The following CRLF1 variants were observed in gnomAD, a reference collection of about 807,000 sequenced individuals.
CRLF1 encodes cytokine receptor-like factor 1.
CRLF1 carries 36 observed loss-of-function variants against 48.9 expected under a neutral mutation model. The observed-to-expected ratio is 0.74, with a 90% confidence interval of 0.56 to 0.97. The LOEUF is 0.97. Among genes scored for constraint, CRLF1 ranks in the 50% least tolerant of loss-of-function variants. The pLI is 0.00. For synonymous variants in CRLF1, 256 were observed against 253.4 expected, an observed-to-expected ratio of 1.01 and a Z score of -0.10; for missense variants, 534 against 575.1, an observed-to-expected ratio of 0.93 and a Z score of 0.73.
chr19:18,599,738 T>C lies in CRLF1; in HGVS notation c.224A>G (p.Tyr75Cys). Residue 75 changes from tyrosine to cysteine, a missense_variant, in exon 2 of 9, where the codon TAC becomes TGC. Physicochemically the swap from Tyr to Cys is radical, Grantham distance 194 (BLOSUM62 -2). Coordinates refer to ENST00000392386, the MANE Select transcript of CRLF1 (RefSeq NM_004750.5). The stretch of plus-strand genomic sequence containing the variant: ...CAGGCGGCGCCCGTTGAGGGTCCAG[T>C]AGAGGCCCTCGGCGGTGGCTCCTGG... ...DPPGATAEGL[Y>C]WTLNGRRLPP... 6.2e-7 allele frequency: 1 copy of C among 1,605,138 alleles called. No individual in the cohort carries two copies. Among genetic ancestry groups the C allele is most frequent in the Non-Finnish European group, 8.5e-7 (1 of 1,176,090 alleles).
rs375084925 is a variant in CRLF1, at chr19:18,603,797, G to A, written c.115+2745C>T. 5.9e-5 allele frequency among the ~76,000 whole-genome samples: 9 copies of A among 151,922 alleles called. No homozygotes were observed. The East Asian group carries it at 1.2e-3, about 20-fold the overall frequency. On this transcript the variant is annotated intron_variant, in intron 1 of 8. Transcript: ENST00000392386. ...CGCTGGAGCCTGGAATCGCAGTTGC[G>A]CTTGGGGCTTGGCCCAGGGCTCGCC...
At chr19:18,600,590 T>C (rs545080710) in intron 1 of CRLF1, among the ~76,000 whole-genome samples, 1 of 152,094 alleles carries the variant, frequency 6.6e-6, no homozygotes, top group Non-Finnish European at 1.5e-5. Context: ...ATGGTCTCGA[T>C]CTCCTGACCT....
chr19:18,595,673 C>T (rs546503001), intron 6 of CRLF1, among the ~76,000 whole-genome samples: 1 of 152,318 alleles, frequency 6.6e-6, no homozygotes, highest in South Asian at 2.1e-4. Context: ...CTCATAACAG[C>T]CCAAGGCAAG....
intron 1 of CRLF1, among the ~76,000 whole-genome samples, chr19:18,603,855 T>A (rs889558497): frequency 9.1e-6 from 1 of 109,554 alleles, no homozygotes; most frequent in South Asian, 3.2e-4. Context: ...AGGAGCCGGC[T>A]GAGCGGGCCA....
At chr19:18,604,301 C>T (rs566702853) in intron 1 of CRLF1, among the ~76,000 whole-genome samples, 1 of 152,298 alleles carries the variant, frequency 6.6e-6, no homozygotes, top group Admixed American at 6.5e-5. Context: ...AGGGGGAAGG[C>T]AAGGCCAGGC....
Position 18,599,811 on chromosome 19 carries a change from G to A in CRLF1, c.151C>T (p.Leu51Phe). 2 of 1,569,046 alleles carry A rather than the reference G, an allele frequency of 1.3e-6. No individual in the cohort carries two copies. Among genetic ancestry groups the A allele is most frequent in the Non-Finnish European group, 1.7e-6 (2 of 1,154,082 alleles). ...AVISPQDPTL[L>F]IGSSLLATCS... Reference sequence around the variant, plus strand: ...GTGGCCAGCAGGGAGGAGCCGATGAGAAGCGTGGGATCCTGGGGACTGATC... The same window carrying A: ...GTGGCCAGCAGGGAGGAGCCGATGAAAAGCGTGGGATCCTGGGGACTGATC... Residue 51 changes from leucine (L) to phenylalanine (F), a missense_variant, in exon 2 of 9, where the codon CTC becomes TTC. Leu to Phe is a conservative substitution (Grantham distance 22). Around this residue, in one of 2 missense-constraint regions of CRLF1, gnomAD observed 528 missense variants for 555.7 expected, o/e 0.95. Coordinates refer to ENST00000392386, the MANE Select transcript of CRLF1 (RefSeq NM_004750.5).
chr19:18,596,023 A>G (rs557377157), intron 6 of CRLF1, among the ~76,000 whole-genome samples: 8 of 152,312 alleles, frequency 5.3e-5, no homozygotes, highest in Non-Finnish European at 1.0e-4. Context: ...AGGGGAGACC[A>G]CTGCTGGTGG....
At chr19:18,600,978 A>T (rs1976213916) in intron 1 of CRLF1, among the ~76,000 whole-genome samples, 1 of 151,400 alleles carries the variant, frequency 6.6e-6, no homozygotes, top group African/African-American at 2.4e-5. Flanking sequence ...CTGATTTTTA[A>T]ATATTTTTTT....
intron 3 of CRLF1, 71 bp from the exon 4 acceptor site, chr19:18,598,672 C>A: frequency 2.5e-6 from 4 of 1,613,680 alleles, no homozygotes; most frequent in Non-Finnish European, 3.4e-6. Context: ...ATGGCAGCCT[C>A]AGGGTGCAGA....
At chr19:18,597,431 CTTTT>C (rs765610119) in intron 4 of CRLF1, among the ~76,000 whole-genome samples, 1 of 81,638 alleles carries the variant, frequency 1.2e-5, no homozygotes, top group African/African-American at 6.5e-5. Flanking sequence ...CCCTTCCACT[CTTTT>C]TTTTTTTTTT....
chr19:18,600,527 T>C lies in CRLF1; in HGVS notation c.116-681A>G, dbSNP rs561312281. On this transcript the variant is annotated intron_variant, in intron 1 of 8. Coordinates refer to ENST00000392386, the MANE Select transcript of CRLF1 (RefSeq NM_004750.5). ...AGGACTACGCGCCCGCCACCACGCCTGGCTAATTTTTTGTATTTTTAGTAG... is the reference window on the plus strand; with the variant it reads ...AGGACTACGCGCCCGCCACCACGCCCGGCTAATTTTTTGTATTTTTAGTAG... 6.1e-4 allele frequency among the ~76,000 whole-genome samples: 93 copies of C among 152,218 alleles called. 1 individual carries two copies. Among genetic ancestry groups the C allele is most frequent in the Middle Eastern group, 3.4e-3 (1 of 294 alleles).
intron 4 of CRLF1, among the ~76,000 whole-genome samples, chr19:18,597,445 T>TTTTTTTTTTTC (rs1976155276): frequency 8.2e-6 from 1 of 122,514 alleles, no homozygotes; most frequent in African/African-American, 3.5e-5. Flanking sequence ...TTTTTTTTTT[T>TTTTTTTTTTTC]TTGAGACGGA....
chr19:18,598,731 C>T, intron 3 of CRLF1, 41 bp downstream of exon 3: 1 of 1,614,064 alleles, frequency 6.2e-7, no homozygotes, highest in East Asian at 2.2e-5. Flanking sequence ...GGTCACGCAG[C>T]CAGCCTGGGA....
intron 8 of CRLF1, 150 bp downstream of exon 8, chr19:18,593,915 T>C: frequency 8.2e-6 from 12 of 1,468,272 alleles, no homozygotes; most frequent in Non-Finnish European, 1.1e-5. Context: ...GCTAAGTAAA[T>C]GCTGATGAAT....
intron 6 of CRLF1, among the ~76,000 whole-genome samples, chr19:18,595,444 A>G (rs1327852736): frequency 1.3e-5 from 2 of 152,084 alleles, no homozygotes; most frequent in Non-Finnish European, 2.9e-5. Flanking sequence ...CAGTTTCCCT[A>G]TCATCTCACG....
At chr19:18,599,106 G>C (rs1976184655) in intron 2 of CRLF1, 1 of 985,178 alleles carries the variant, frequency 1.0e-6, no homozygotes, top group Non-Finnish European at 1.2e-6. Flanking sequence ...TCGATCTCCG[G>C]GTTCTTTTTC....
chr19:18,593,645 G>A, intron 8 of CRLF1, 66 bp from the exon 9 acceptor site: 1 of 1,561,782 alleles, frequency 6.4e-7, no homozygotes, highest in South Asian at 1.2e-5. Flanking sequence ...CAGAGCCACT[G>A]AAGGAGGCTT....
At position 18,596,805 on chromosome 19, in the gene CRLF1, C is replaced by G. The variant is rs1337714531; in HGVS notation, c.856-15G>C. On this transcript the variant is annotated splice_polypyrimidine_tract_variant and intron_variant, in intron 5 of 8. Coordinates refer to ENST00000392386, the MANE Select transcript of CRLF1 (RefSeq NM_004750.5). ...TCGTCCACCACCTGGACAGTGAGGA[C>G]AAGGTCAGAGTAGAGGGCGGGGCCT... 6.2e-7 allele frequency: 1 copy of G among 1,612,910 alleles called. No individual in the cohort carries two copies. The highest frequency in any genetic ancestry group is 1.3e-5 in the African/African-American group (1 of 74,678).
chr19:18,595,572 T>C (rs1345714119), intron 6 of CRLF1, among the ~76,000 whole-genome samples: 2 of 152,218 alleles, frequency 1.3e-5, no homozygotes, highest in East Asian at 3.8e-4. Context: ...CCTGGGGGGA[T>C]GGGACAATAA....
Sources: allele counts gnomAD v4.1 joint callset (sites outside exome capture counted in the v4.1 genomes callset), GRCh38; gene constraint gnomAD v4.1.1; regional missense constraint gnomAD v4.1.1; transcripts MANE v1.5; gene names NCBI Gene and HGNC (gene_info 2026-07-23, HGNC 2026-07-21).